The following RPS15 variants were observed in gnomAD, a reference collection of about 807,000 sequenced individuals.
RPS15 encodes small ribosomal subunit protein uS19.
In RPS15, 5 loss-of-function variants were observed where a neutral mutation model predicts 14.9. That is an observed-to-expected ratio of 0.34 (90% CI 0.18 to 0.70). The LOEUF (loss-of-function observed/expected upper bound fraction) is 0.70. Among genes scored for constraint, RPS15 ranks in the 30% least tolerant of loss-of-function variants. RPS15 has a pLI of 0.65. For synonymous variants in RPS15, 103 were observed against 85.0 expected, an observed-to-expected ratio of 1.21 and a Z score of -1.16; for missense variants, 102 against 204.2, an observed-to-expected ratio of 0.50 and a Z score of 3.05.
At position 1,438,585 on chromosome 19, in the gene RPS15, G is replaced by C. The variant is rs1189941431; in HGVS notation, c.3+157G>C. 1 of 1,551,730 alleles carries C rather than the reference G, an allele frequency of 6.4e-7. No homozygotes were observed. On this transcript the variant is annotated intron_variant, in intron 1 of 3. Transcript: ENST00000592588. The surrounding 1 kb of genome is among the most constrained non-coding windows in gnomAD (Gnocchi z 4.8). ...TTGGGGCGAGGGGCGGACTTGGTGG[G>C]TGTCGGGACGACGCGGGGCTGGGAA...
chr19:1,439,191 T>G (rs2083633525), intron 2 of RPS15: 2 of 381,382 alleles, frequency 5.2e-6, no homozygotes, highest in South Asian at 8.9e-5. Flanking sequence ...CCTTAGATTT[T>G]AAGGGCGGTG....
At chr19:1,439,095 C>T in intron 2 of RPS15, 2 of 551,896 alleles carry the variant, frequency 3.6e-6, no homozygotes, top group South Asian at 2.2e-5. Context: ...ACCTGCCCCC[C>T]GTTGTTCACT....
Position 1,438,517 on chromosome 19 carries a change from G to A in RPS15, c.3+89G>A. 1.9e-6 allele frequency: 3 copies of A among 1,604,510 alleles called. No homozygotes were observed. Among genetic ancestry groups the A allele is most frequent in the Non-Finnish European group, 2.6e-6 (3 of 1,175,902 alleles). On this transcript the variant is annotated intron_variant, in intron 1 of 3. Transcript: ENST00000592588. The surrounding 1 kb of genome is among the most constrained non-coding windows in gnomAD (Gnocchi z 4.8). ...CTCGCGGGGGCCGCAGTTCGTCCCC[G>A]CGGCTACGGCGGCTTGCTCCCGACC...
chr19:1,439,781 T>C (rs1443600995), intron 2 of RPS15: 1 of 616,224 alleles, frequency 1.6e-6, no homozygotes, highest in Non-Finnish European at 2.9e-6. Context: ...GGCCGCTTGT[T>C]CTCTCTGAAT....
rs751870134 is a variant in RPS15, at chr19:1,438,599, C to G, written c.3+171C>G. Reference sequence around the variant, plus strand: ...GGACTTGGTGGGTGTCGGGACGACGCGGGGCTGGGAAGGCCTGTCCGGGCC... The same window carrying G: ...GGACTTGGTGGGTGTCGGGACGACGGGGGGCTGGGAAGGCCTGTCCGGGCC... On this transcript the variant is annotated intron_variant, in intron 1 of 3. Coordinates refer to ENST00000592588, the MANE Select transcript of RPS15 (RefSeq NM_001018.5). The surrounding 1 kb of genome is among the most constrained non-coding windows in gnomAD (Gnocchi z 4.8). 5 of 1,544,002 alleles carry G rather than the reference C, an allele frequency of 3.2e-6. No individual in the cohort carries two copies. Among genetic ancestry groups the G allele is most frequent in the Non-Finnish European group, 4.4e-6 (5 of 1,142,166 alleles).
rs1207432057 is a variant in RPS15 at position 1,440,105 on chromosome 19, G to A, written c.176G>A (p.Arg59His). Residue 59 changes from arginine to histidine, a missense_variant, in exon 3 of 4, where the codon CGC becomes CAC. Physicochemically the swap from Arg to His is conservative, Grantham distance 29. Coordinates refer to ENST00000592588, the MANE Select transcript of RPS15 (RefSeq NM_001018.5). ...CGGAAGCAGCACTCCCTGCTGAAGC[G>A]CCTGCGCAAGGCCAAGAAGGAGGCG... ...LRRKQHSLLK[R>H]LRKAKKEAPP... is the part of the protein sequence containing the mutation. 8.2e-6 allele frequency: 13 copies of A among 1,594,170 alleles called. No homozygotes were observed. The highest frequency in any genetic ancestry group is 7.2e-5 in the Admixed American group (4 of 55,652).
At position 1,439,890 on chromosome 19, in the gene RPS15, A is replaced by G. The variant is rs150822957; in HGVS notation, c.90-129A>G. 6.3e-4 allele frequency: 500 copies of G among 792,400 alleles called. 9 individuals carry two copies. The East Asian group carries it at 9.6e-3, about 15-fold the overall frequency. 49.1% of individuals were successfully genotyped at this position (792,400 alleles called of 1,614,324 possible). A position where few individuals can be genotyped will look rare whatever the true frequency, so the allele number is the denominator to read the frequency against. ...TGGCGTGTTCATTGTAGTCACTACA[A>G]TGGACAGTGACAGGTCCACTGCGGC... On this transcript the variant is annotated intron_variant, in intron 2 of 3. Coordinates refer to ENST00000592588, the MANE Select transcript of RPS15 (RefSeq NM_001018.5).
At chr19:1,439,209 C>T (rs143956571) in intron 2 of RPS15, 1 of 353,156 alleles carries the variant, frequency 2.8e-6, no homozygotes, top group African/African-American at 2.2e-5. Flanking sequence ...GTGGAGGTCG[C>T]TGGGTCCTTT....
Position 1,438,676 on chromosome 19 carries a change from G to C in RPS15, c.4-131G>C, listed in dbSNP as rs1380872180. On this transcript the variant is annotated intron_variant, in intron 1 of 3. Transcript: ENST00000592588. The surrounding 1 kb of genome is among the most constrained non-coding windows in gnomAD (Gnocchi z 4.8). ...AGCCGCGAGTGATCCCCGGGGACGGGTCGAAGCGGTGTGTCCCTGTCGGGC... is the reference window on the plus strand; with the variant it reads ...AGCCGCGAGTGATCCCCGGGGACGGCTCGAAGCGGTGTGTCCCTGTCGGGC... 5.9e-6 allele frequency: 9 copies of C among 1,533,736 alleles called. No homozygotes were observed. The highest frequency in any genetic ancestry group is 3.9e-5 in the Admixed American group (2 of 50,668).
chr19:1,439,007 T>G (rs1388829830), intron 2 of RPS15, 115 bp downstream of exon 2: 2 of 828,698 alleles, frequency 2.4e-6, no homozygotes, highest in African/African-American at 3.6e-5. Flanking sequence ...GGGCACGGTC[T>G]CCGCGCGGGT....
At chr19:1,439,696 G>C in intron 2 of RPS15, 2 of 582,580 alleles carry the variant, frequency 3.4e-6, no homozygotes, top group South Asian at 4.3e-5. Context: ...CGCCCTACCT[G>C]CCTTCCCCTG....
In RPS15 at chr19:1,439,776, C is replaced by T. The variant is rs185453804; in HGVS notation, c.90-243C>T. ...GTCTGAGGCTGTGGTCTCCGGGCCG[C>T]TTGTTCTCTCTGAATCTCTGCAGTC... On this transcript the variant is annotated intron_variant, in intron 2 of 3. Coordinates refer to ENST00000592588, the MANE Select transcript of RPS15 (RefSeq NM_001018.5). 1.7e-3 allele frequency: 1,035 copies of T among 617,016 alleles called. 2 individuals are homozygous for T. The highest frequency in any genetic ancestry group is 2.5e-3 in the Non-Finnish European group (871 of 343,866). 38.2% of individuals were successfully genotyped at this position (617,016 alleles called of 1,614,324 possible).
rs1278998755 is a variant in RPS15, at chr19:1,438,946, T to G, written c.89+54T>G. 4 of 1,360,422 alleles carry G rather than the reference T, an allele frequency of 2.9e-6. No individual in the cohort carries two copies. Among genetic ancestry groups the G allele is most frequent in the Non-Finnish European group, 4.0e-6 (4 of 994,406 alleles). The allele number at this position is 1,360,422 out of a possible 1,614,324, so 84.3% of individuals were successfully genotyped here. A position where few individuals can be genotyped will look rare whatever the true frequency, so the allele number is the denominator to read the frequency against. On this transcript the variant is annotated intron_variant, in intron 2 of 3. Coordinates refer to ENST00000592588, the MANE Select transcript of RPS15 (RefSeq NM_001018.5). This position sits in a 1 kb window ranked among gnomAD's most constrained non-coding sequence, Gnocchi z 4.8. Reference sequence around the variant, plus strand: ...GGGGCTGGGCCAGCGGTGGGGCTTGTCCGGGTGAGGGCGGCGGGGCGGGGG... The same window carrying G: ...GGGGCTGGGCCAGCGGTGGGGCTTGGCCGGGTGAGGGCGGCGGGGCGGGGG...
At chr19:1,439,030 G>A (rs754757804) in intron 2 of RPS15, 138 bp downstream of exon 2, 80 of 694,370 alleles carry the variant, frequency 1.2e-4, no homozygotes, top group Non-Finnish European at 1.8e-4. Context: ...GGAACTGAGT[G>A]TGGTCTTGCG....
At chr19:1,439,197 C>T (rs1009950655) in intron 2 of RPS15, 3 of 363,754 alleles carry the variant, frequency 8.2e-6, no homozygotes, top group African/African-American at 4.3e-5. Flanking sequence ...ATTTTAAGGG[C>T]GGTGGAGGTC....
rs2083631669 is a variant in RPS15, at chr19:1,438,989, C to T, written c.89+97C>T. 5 of 564,092 alleles carry T rather than the reference C, an allele frequency of 8.9e-6. No individual in the cohort carries two copies. The highest frequency in any genetic ancestry group is 4.6e-5 in the East Asian group (1 of 21,738). The allele number at this position is 564,092 out of a possible 1,614,324, so 34.9% of individuals were successfully genotyped here. The stretch of plus-strand genomic sequence containing the variant: ...GGCGGGGGTCCAAGCGCCTCTGCGG[C>T]GGTGGGCGGGCACGGTCTCCGCGCG... On this transcript the variant is annotated intron_variant, in intron 2 of 3. Transcript: ENST00000592588. The surrounding 1 kb of genome is among the most constrained non-coding windows in gnomAD (Gnocchi z 4.8).
chr19:1,439,953 C>A, intron 2 of RPS15, 66 bp from the exon 3 acceptor site: 1 of 1,303,716 alleles, frequency 7.7e-7, no homozygotes, highest in East Asian at 2.5e-5. Flanking sequence ...GTTCTCTGTC[C>A]GCCGGAGTGC....
rs1174567809 is a variant in RPS15 at position 1,440,118 on chromosome 19, C to G, written c.189C>G (p.Ala63=). 46 of 1,603,680 alleles carry G rather than the reference C, an allele frequency of 2.9e-5. No homozygotes were observed. The highest frequency in any genetic ancestry group is 3.6e-5 in the Non-Finnish European group (42 of 1,176,246). The change falls in exon 3 of 4, where the codon GCC becomes GCG. Residue 63 remains alanine (A), a synonymous_variant. Transcript: ENST00000592588. ...CCCTGCTGAAGCGCCTGCGCAAGGC[C>G]AAGAAGGAGGCGCCGCCCATGGAGA... ...QHSLLKRLRK[A]KKEAPPMEKP...
intron 2 of RPS15, chr19:1,439,725 G>A: frequency 3.4e-6 from 2 of 594,728 alleles, no homozygotes; most frequent in South Asian, 4.1e-5. Flanking sequence ...GAGGCCTTTG[G>A]CCCGAGCTGT....
Sources: gnomAD v4.1 joint callset for allele counts on GRCh38, gnomAD v4.1.1 for gene constraint, Gnocchi (gnomAD v3.1) non-coding constraint, MANE v1.5 for transcripts, NCBI Gene and HGNC (gene_info 2026-07-23, HGNC 2026-07-21) for gene names.